The following WDFY1 variants were observed in gnomAD, a reference collection of about 807,000 sequenced individuals.
WDFY1 encodes WD repeat and FYVE domain-containing protein 1.
In WDFY1, 32 loss-of-function variants were observed where a neutral mutation model predicts 56.4. That is an observed-to-expected ratio of 0.57 (90% CI 0.43 to 0.76). The LOEUF is 0.76. WDFY1 is among the 30% of genes least tolerant of loss of function. The pLI, the probability that WDFY1 is intolerant of heterozygous loss-of-function variation, is 0.00. For missense variants in WDFY1, 480 were observed against 545.7 expected, an observed-to-expected ratio of 0.88 and a Z score of 1.20; for synonymous variants, 192 against 197.3, an observed-to-expected ratio of 0.97 and a Z score of 0.23.
intron 1 of WDFY1, among the ~76,000 whole-genome samples, chr2:223,924,708 C>T (rs1175231650): frequency 6.6e-6 from 1 of 152,136 alleles, no homozygotes; most frequent in African/African-American, 2.4e-5. Context: ...GTAGATGATT[C>T]ATTTATTTTC....
chr2:223,922,588 G>T (rs1224325821), intron 1 of WDFY1, among the ~76,000 whole-genome samples: 1 of 152,170 alleles, frequency 6.6e-6, no homozygotes, highest in African/African-American at 2.4e-5. Flanking sequence ...GTGTGTTCGG[G>T]TTTCTTAGGT....
chr2:223,889,300 A>G (rs1010640301), intron 8 of WDFY1, among the ~76,000 whole-genome samples: 5 of 152,014 alleles, frequency 3.3e-5, no homozygotes, highest in Non-Finnish European at 5.9e-5. Flanking sequence ...TTGCCTTCCA[A>G]TCCTGGCTCT....
intron 5 of WDFY1, 36 bp downstream of exon 5, chr2:223,901,147 C>T (rs1026690554): frequency 1.3e-6 from 2 of 1,591,608 alleles, no homozygotes; most frequent in Non-Finnish European, 8.6e-7. Context: ...GAAGCAGAGG[C>T]CAGGGGAAGG....
At chr2:223,930,433 G>A (rs574450070) in intron 1 of WDFY1, among the ~76,000 whole-genome samples, 4 of 152,308 alleles carry the variant, frequency 2.6e-5, no homozygotes, top group East Asian at 3.9e-4. Context: ...GGGTTCAGGC[G>A]ATTCTCTTGC....
intron 1 of WDFY1, among the ~76,000 whole-genome samples, chr2:223,918,431 A>G (rs1315507743): frequency 6.6e-6 from 1 of 152,132 alleles, no homozygotes; most frequent in Non-Finnish European, 1.5e-5. Flanking sequence ...GATCAAGACC[A>G]TCTTGGCTAA....
chr2:223,942,095 G>A (rs903717858), intron 1 of WDFY1, among the ~76,000 whole-genome samples: 1 of 152,166 alleles, frequency 6.6e-6, no homozygotes, highest in Non-Finnish European at 1.5e-5. Context: ...CAGTCCCAGA[G>A]CAGCTTAGTA....
chr2:223,914,867 GT>G (rs1013945211), intron 2 of WDFY1, among the ~76,000 whole-genome samples: 9 of 149,320 alleles, frequency 6.0e-5, no homozygotes, highest in South Asian at 4.2e-4. Flanking sequence ...GATTCTGAAA[GT>G]TTTTTTTTTA....
rs1693142400 is a variant in WDFY1 at position 223,884,755 on chromosome 2, G to A, written c.832-6C>T. 2.5e-6 allele frequency: 4 copies of A among 1,613,682 alleles called. No individual in the cohort carries two copies. The highest frequency in any genetic ancestry group is 2.5e-6 in the Non-Finnish European group (3 of 1,179,742). On this transcript the variant is annotated splice_region_variant and splice_polypyrimidine_tract_variant and intron_variant, in intron 8 of 11. Coordinates refer to ENST00000233055, the MANE Select transcript of WDFY1 (RefSeq NM_020830.5). ...CTTTCCAACCACTGAGGAGCCTGGG[G>A]GAGCAGAAAGTCAAAGCCACCATCA...
intron 8 of WDFY1, 95 bp from the exon 9 acceptor site, chr2:223,884,844 A>G: frequency 2.1e-6 from 2 of 942,606 alleles, no homozygotes; most frequent in Non-Finnish European, 3.2e-6. Flanking sequence ...TGCCAAGGTT[A>G]GTATTTCTTT....
chr2:223,943,840 A>C (rs901653418), intron 1 of WDFY1, among the ~76,000 whole-genome samples: 1 of 152,236 alleles, frequency 6.6e-6, no homozygotes, highest in Non-Finnish European at 1.5e-5. Context: ...CTTAGCAGCA[A>C]GCTACACCTC....
At chr2:223,890,197 C>T (rs116223170) in intron 8 of WDFY1, among the ~76,000 whole-genome samples, 1,849 of 152,292 alleles carry the variant, frequency 0.012, 35 homozygotes, top group African/African-American at 0.042. Flanking sequence ...TTTGGCTGGG[C>T]GCAGTTGCTC....
At chr2:223,885,734 A>G (rs745543170) in intron 8 of WDFY1, among the ~76,000 whole-genome samples, 2 of 152,196 alleles carry the variant, frequency 1.3e-5, no homozygotes, top group Non-Finnish European at 2.9e-5. Context: ...GTCACAGGTG[A>G]CTAACAGAAG....
At chr2:223,897,759 G>A (rs572654557) in intron 6 of WDFY1, among the ~76,000 whole-genome samples, 12 of 152,152 alleles carry the variant, frequency 7.9e-5, no homozygotes, top group East Asian at 3.9e-4. Context: ...GATTTCTCAC[G>A]AATGGTTTAG....
At chr2:223,915,411 T>A (rs1054086399) in intron 2 of WDFY1, among the ~76,000 whole-genome samples, 1 of 152,224 alleles carries the variant, frequency 6.6e-6, no homozygotes, top group Admixed American at 6.5e-5. Flanking sequence ...AACACACACA[T>A]TTCTACTGCT....
rs571765578 is a variant in WDFY1, at chr2:223,881,628, A to T, written c.1064+314T>A. 1.4e-3 allele frequency among the ~76,000 whole-genome samples: 218 copies of T among 152,174 alleles called. 2 individuals are homozygous for T. Among genetic ancestry groups the T allele is most frequent in the Middle Eastern group, 6.8e-3 (2 of 294 alleles). On this transcript the variant is annotated intron_variant, in intron 10 of 11. Coordinates refer to ENST00000233055, the MANE Select transcript of WDFY1 (RefSeq NM_020830.5). ...AACATGGTGAAACTCCATCTCTACT[A>T]AAACTACAAAAATTAGCCAGGTGGT...
chr2:223,939,585 T>C (rs1349184953), intron 1 of WDFY1, among the ~76,000 whole-genome samples: 1 of 152,166 alleles, frequency 6.6e-6, no homozygotes, highest in Non-Finnish European at 1.5e-5. Context: ...AAGACATGTC[T>C]TACATGGTAG....
At chr2:223,929,328 C>T (rs1440103406) in intron 1 of WDFY1, among the ~76,000 whole-genome samples, 1 of 151,950 alleles carries the variant, frequency 6.6e-6, no homozygotes, top group Non-Finnish European at 1.5e-5. Context: ...GCTGGGATTA[C>T]AGGCACCCAC....
At chr2:223,889,928 T>G (rs567652798) in intron 8 of WDFY1, among the ~76,000 whole-genome samples, 52 of 152,316 alleles carry the variant, frequency 3.4e-4, no homozygotes, top group South Asian at 1.7e-3. Flanking sequence ...AGCAACACTA[T>G]CCCTATTTTA....
rs116434912 is a variant in WDFY1, at chr2:223,903,767, C to T, written c.334+2180G>A. Reference sequence around the variant, plus strand: ...CTGGGCTCAAGTGATCCTCCCACCTCGGCCTCCCAAGTAGTTGGGACTACA... The same window carrying T: ...CTGGGCTCAAGTGATCCTCCCACCTTGGCCTCCCAAGTAGTTGGGACTACA... On this transcript the variant is annotated intron_variant, in intron 4 of 11. Coordinates refer to ENST00000233055, the MANE Select transcript of WDFY1 (RefSeq NM_020830.5). Among the ~76,000 whole-genome samples the T allele has an allele frequency of 6.5e-3, 988 of 151,696 alleles. 9 individuals are homozygous for T. Among genetic ancestry groups the T allele is most frequent in the African/African-American group, 0.013 (545 of 41,332 alleles).
Sources: gnomAD v4.1 joint callset for allele counts (sites outside exome capture counted in the v4.1 genomes callset) on GRCh38, gnomAD v4.1.1 for gene constraint, MANE v1.5 for transcripts, NCBI Gene and HGNC (gene_info 2026-07-23, HGNC 2026-07-21) for gene names.